AXIN1: variants seen among roughly 807,000 people sequenced by gnomAD.
AXIN1 encodes axin 1.
In AXIN1, 30 loss-of-function variants were observed where a neutral mutation model predicts 76.4. The ratio of observed to expected loss-of-function variants is 0.39; its 90% CI spans 0.29 to 0.53. The LOEUF (loss-of-function observed/expected upper bound fraction) is 0.53. AXIN1 is among the 20% of genes least tolerant of loss of function. AXIN1 has a pLI of 0.66. For missense variants in AXIN1, 1,140 were observed against 1,198.8 expected, an observed-to-expected ratio of 0.95 and a Z score of 0.72; for synonymous variants, 545 against 501.4, an observed-to-expected ratio of 1.09 and a Z score of -1.16.
chr16:330,186 T>C (rs951918517), intron 2 of AXIN1, among the ~76,000 whole-genome samples: 5 of 151,616 alleles, frequency 3.3e-5, no homozygotes, highest in Admixed American at 3.3e-4. Context: ...TCAGCCTCCC[T>C]AGTGGCTGGA....
At position 304,432 on chromosome 16, in the gene AXIN1, G is replaced by C. The variant is rs761954300; in HGVS notation, c.1126C>G (p.Arg376Gly). ...VPLPHIPRTY[R>G]VPKEVRVEPQ... ...TCCACGCGGACCTCCTTCGGCACCC[G>C]GTACGTGCGCTGCGAGGGACAGGAC... is the stretch of plus-strand genomic sequence containing the variant. Residue 376 changes from arginine to glycine, a missense_variant, in exon 5 of 11, where the codon CGG (arginine) becomes GGG (glycine). Arg to Gly is a moderately radical substitution (Grantham distance 125). This residue lies in a region of AXIN1 where 708 missense variants were observed against 776.9 expected (regional missense o/e 0.91). Coordinates refer to ENST00000262320, the MANE Select transcript of AXIN1 (RefSeq NM_003502.4). 1.2e-6 allele frequency: 2 copies of C among 1,612,664 alleles called. No homozygotes were observed. The highest frequency in any genetic ancestry group is 1.7e-6 in the Non-Finnish European group (2 of 1,179,950).
rs547003468 is a variant in AXIN1 at position 290,205 on chromosome 16, C to G, written c.2295-598G>C. On this transcript the variant is annotated intron_variant, in intron 9 of 10. Transcript: ENST00000262320. Reference sequence around the variant, plus strand: ...GGTTGCTCTCGCACCCCCCACTCGGCTACCCCGCCGCCACCTGTCCTTCAA... The same window carrying G: ...GGTTGCTCTCGCACCCCCCACTCGGGTACCCCGCCGCCACCTGTCCTTCAA... 2.1e-4 allele frequency: 34 copies of G among 165,146 alleles called. No individual in the cohort carries two copies. In the South Asian group the frequency reaches 5.2e-3, roughly 25 times the overall value. The allele number at this position is 165,146 out of a possible 1,614,324, so 10.2% of individuals were successfully genotyped here.
rs776620814 is a variant in AXIN1, at chr16:291,313, C to T, written c.2187-16G>A. On this transcript the variant is annotated splice_polypyrimidine_tract_variant and intron_variant, in intron 8 of 10. Transcript: ENST00000262320. ...CTGCACATACCTAGGGAACAACCCG[C>T]GTCAAAGGTGGCTGTGCCGGCGGCC... is the stretch of plus-strand genomic sequence containing the variant. The T allele has an allele frequency of 1.1e-5, 17 of 1,560,070 alleles. 1 individual carries two copies. The highest frequency in any genetic ancestry group is 8.2e-5 in the South Asian group (7 of 85,166).
intron 2 of AXIN1, among the ~76,000 whole-genome samples, chr16:334,247 CACCCAGTACCACAGT>C (rs2053755738): frequency 2.7e-5 from 4 of 148,050 alleles, no homozygotes; most frequent in East Asian, 2.0e-4. Flanking sequence ...AATTACACAG[CACCCAGTACCACAGT>C]ACACCAATAA....
intron 2 of AXIN1, among the ~76,000 whole-genome samples, chr16:324,308 G>A (rs556049710): frequency 1.1e-4 from 16 of 152,328 alleles, no homozygotes; most frequent in Admixed American, 3.3e-4. Flanking sequence ...GTCTCCTGCC[G>A]GATCCTTTCT....
chr16:291,663 C>G, intron 8 of AXIN1: 1 of 373,648 alleles, frequency 2.7e-6, no homozygotes. Flanking sequence ...AATTCCCCAC[C>G]GATAGCGTGG....
intron 7 of AXIN1, among the ~76,000 whole-genome samples, chr16:296,803 C>G (rs1314171454): frequency 6.6e-6 from 1 of 152,148 alleles, no homozygotes; most frequent in African/African-American, 2.4e-5. Context: ...GGGGTGACAG[C>G]CACGTCAGCT....
rs927321311 is a variant in AXIN1 at position 352,575 on chromosome 16, CCCACCCGCCCGCT to C, written c.-301_-289del. On this transcript the variant is annotated 5_prime_UTR_variant, in exon 1 of 11. Transcript: ENST00000262320. ...CGCCGCAGGGGCCCAGCCGCCAGCTCCCACCCGCCCGCTCCGCGTGGACGCGGCTCCGGGCCGA... is the reference window on the plus strand; with the variant it reads ...CGCCGCAGGGGCCCAGCCGCCAGCTCCCGCGTGGACGCGGCTCCGGGCCGA... 47 of 206,960 alleles carry C rather than the reference CCCACCCGCCCGCT, an allele frequency of 2.3e-4. No homozygotes were observed. The highest frequency in any genetic ancestry group is 1.0e-3 in the African/African-American group (44 of 42,040). The allele number at this position is 206,960 out of a possible 1,614,324, so 12.8% of individuals were successfully genotyped here.
chr16:287,980 T>C lies in AXIN1; in HGVS notation c.*142A>G. ...CTTGGAGGGACCCCCTACCTGCCTC[T>C]AGACACGGGTAGACCACAGGGATGG... On this transcript the variant is annotated 3_prime_UTR_variant, in exon 11 of 11. Transcript: ENST00000262320. 4.9e-6 allele frequency: 7 copies of C among 1,436,578 alleles called. No homozygotes were observed. Among genetic ancestry groups the C allele is most frequent in the South Asian group, 3.5e-5 (3 of 86,716 alleles). 89.0% of individuals were successfully genotyped at this position (1,436,578 alleles called of 1,614,324 possible).
chr16:290,647 G>A (rs527982029), intron 9 of AXIN1: 59 of 181,144 alleles, frequency 3.3e-4, no homozygotes, highest in Admixed American at 7.1e-4. Context: ...CCGTCGACAC[G>A]GCCCATGTGG....
At chr16:329,239 TGCACTCCAGCCTGGGCGACA>T (rs1206021877) in intron 2 of AXIN1, among the ~76,000 whole-genome samples, 1 of 130,420 alleles carries the variant, frequency 7.7e-6, no homozygotes, top group Non-Finnish European at 1.5e-5. Flanking sequence ...ATCGCGCCAC[TGCACTCCAGCCTGGGCGACA>T]GAGCGAGACT....
At chr16:301,979 T>C (rs2052886235) in intron 5 of AXIN1, among the ~76,000 whole-genome samples, 1 of 152,232 alleles carries the variant, frequency 6.6e-6, no homozygotes, top group South Asian at 2.1e-4. Context: ...GACATGTCCA[T>C]ATTCTTGGTA....
Position 297,195 on chromosome 16 carries a change from C to T in AXIN1, c.1816G>A (p.Ala606Thr), listed in dbSNP as rs749010811. ...GKVGVACKRNAKKAESGKSAS... is the reference protein window; with the variant it reads ...GKVGVACKRNTKKAESGKSAS... ...CTCTTCCCCGACTCAGCCTTCTTGG[C>T]ATTTCTTTTGCACGCCACGCCCACC... The change falls in exon 7 of 11, where the codon GCC becomes ACC. Residue 606 changes from alanine (A) to threonine (T), a missense_variant. Ala to Thr is a moderately conservative substitution (Grantham distance 58). Coordinates refer to ENST00000262320, the MANE Select transcript of AXIN1 (RefSeq NM_003502.4). 6.2e-7 allele frequency: 1 copy of T among 1,609,522 alleles called. No individual in the cohort carries two copies. The highest frequency in any genetic ancestry group is 1.1e-5 in the South Asian group (1 of 91,092).
Position 293,539 on chromosome 16 carries a change from C to T in AXIN1, c.2135G>A (p.Arg712Gln), listed in dbSNP as rs755020386. 3.7e-6 allele frequency: 6 copies of T among 1,611,324 alleles called. No homozygotes were observed. The highest frequency in any genetic ancestry group is 1.7e-5 in the Admixed American group (1 of 60,008). Residue 712 changes from arginine (R) to glutamine (Q), a missense_variant, in exon 8 of 11, where the codon CGA becomes CAA. Around this residue, in one of 3 missense-constraint regions of AXIN1, gnomAD observed 429 missense variants for 405.8 expected, o/e 1.06. Coordinates refer to ENST00000262320, the MANE Select transcript of AXIN1 (RefSeq NM_003502.4). This position sits in a 1 kb window ranked among gnomAD's most constrained non-coding sequence, Gnocchi z 4.6. ...TCTCTTTTCTTCCTCCTCCAGACGT[C>T]GGCGCGCCTCCTCCAGCTGGGTTAG... ...NPLTQLEEAR[R>Q]RLEEEEKRAS...
chr16:299,516 C>G (rs1019604459), intron 5 of AXIN1, among the ~76,000 whole-genome samples: 2 of 151,646 alleles, frequency 1.3e-5, no homozygotes, highest in African/African-American at 4.8e-5. Flanking sequence ...CCATGCCTGC[C>G]TAATTTTTTT....
At position 309,609 on chromosome 16, in the gene AXIN1, C is replaced by G. The variant is rs1597032676; in HGVS notation, c.1116+364G>C. Among the ~76,000 whole-genome samples the G allele has an allele frequency of 7.9e-5, 12 of 152,356 alleles. 3 individuals are homozygous for G. In the South Asian group the frequency reaches 2.5e-3, roughly 32 times the overall value. On this transcript the variant is annotated intron_variant, in intron 4 of 10. Coordinates refer to ENST00000262320, the MANE Select transcript of AXIN1 (RefSeq NM_003502.4). ...AAAAACACCAAGTTTTCCCCAAGGG[C>G]TGTGCAGGGGCCAGGCCTGGGCTCT...
At chr16:329,638 C>T (rs1470018834) in intron 2 of AXIN1, among the ~76,000 whole-genome samples, 3 of 150,132 alleles carry the variant, frequency 2.0e-5, no homozygotes, top group South Asian at 2.1e-4. Context: ...GTTTTTGAGA[C>T]GGAGTCTCGC....
At chr16:298,378 C>T (rs2052777711) in intron 5 of AXIN1, 127 bp from the exon 6 acceptor site, 2 of 1,198,710 alleles carry the variant, frequency 1.7e-6, no homozygotes, top group Non-Finnish European at 2.4e-6. Flanking sequence ...CCGGGGGCCC[C>T]TCGCCACCGG....
chr16:326,471 G>A (rs991017024), intron 2 of AXIN1, among the ~76,000 whole-genome samples: 2 of 148,102 alleles, frequency 1.4e-5, no homozygotes, highest in South Asian at 2.1e-4. Flanking sequence ...ATTGAGAGCC[G>A]GACACGGTGG....
Sources: gnomAD v4.1 joint callset for allele counts (sites outside exome capture counted in the v4.1 genomes callset) on GRCh38, gnomAD v4.1.1 for gene constraint, gnomAD v4.1.1 regional missense constraint, Gnocchi (gnomAD v3.1) non-coding constraint, MANE v1.5 for transcripts, NCBI Gene and HGNC (gene_info 2026-07-23, HGNC 2026-07-21) for gene names.